The following MAP2 variants were observed in gnomAD, a reference collection of about 807,000 sequenced individuals.
MAP2 encodes the protein microtubule associated protein 2.
A neutral mutation model predicts 137.6 loss-of-function variants in MAP2; 14 were observed. That is an observed-to-expected ratio of 0.10 (90% CI 0.07 to 0.16). The LOEUF is 0.16. MAP2 is among the 10% of genes least tolerant of loss of function. The pLI is 1.00. For missense variants in MAP2, 2,088 were observed against 2,191.5 expected (o/e 0.95, Z 0.94); for synonymous variants, 786 against 782.3 (o/e 1.00, Z -0.08).
intron 3 of MAP2, among the ~76,000 whole-genome samples, chr2:209,618,542 A>G (rs1405024820): frequency 6.6e-6 from 1 of 152,146 alleles, no homozygotes; most frequent in Non-Finnish European, 1.5e-5. Flanking sequence ...TTCTCCTACC[A>G]CATGAACCTG....
At chr2:209,481,179 T>C (rs990937569) in intron 1 of MAP2, among the ~76,000 whole-genome samples, 3 of 152,124 alleles carry the variant, frequency 2.0e-5, no homozygotes, top group African/African-American at 7.2e-5. Flanking sequence ...TAAATGTCCA[T>C]GGAAGGGAAG....
intron 1 of MAP2, among the ~76,000 whole-genome samples, chr2:209,506,857 T>C (rs2061133251): frequency 6.6e-6 from 1 of 152,174 alleles, no homozygotes; most frequent in Admixed American, 6.5e-5. Flanking sequence ...TAAAGACCTG[T>C]GTCAGTCTGT....
chr2:209,429,551 C>T (rs1220617039), intron 1 of MAP2, among the ~76,000 whole-genome samples: 1 of 152,020 alleles, frequency 6.6e-6, no homozygotes, highest in Admixed American at 6.5e-5. Context: ...TAAAATATTC[C>T]TAATTACATT....
intron 3 of MAP2, among the ~76,000 whole-genome samples, chr2:209,602,443 G>A (rs1239068389): frequency 6.6e-6 from 1 of 152,064 alleles, no homozygotes; most frequent in Non-Finnish European, 1.5e-5. Context: ...AGGCAGGCTG[G>A]CAGTCACCTT....
chr2:209,720,475 A>G (rs2069962860), intron 13 of MAP2, among the ~76,000 whole-genome samples: 1 of 151,802 alleles, frequency 6.6e-6, no homozygotes, highest in South Asian at 2.1e-4. Flanking sequence ...CATCTCTACT[A>G]AAAAATACAA....
chr2:209,465,436 TTCTA>T (rs71043927), intron 1 of MAP2, among the ~76,000 whole-genome samples: 75,796 of 151,460 alleles, frequency 0.5, 20,628 homozygotes, highest in Middle Eastern at 0.61. Flanking sequence ...CTTTTCTAGT[TTCTA>T]TCATTGTAAG....
chr2:209,536,530 G>A lies in MAP2; in HGVS notation c.-172+28889G>A, dbSNP rs947514924. Among the ~76,000 whole-genome samples, 7 of 152,098 alleles carry A rather than the reference G, an allele frequency of 4.6e-5. No homozygotes were observed. In the East Asian group the frequency reaches 5.8e-4, roughly 13 times the overall value. On this transcript the variant is annotated intron_variant, in intron 2 of 15. Coordinates refer to ENST00000682079, the MANE Select transcript of MAP2 (RefSeq NM_001375505.1). ...CTTGGAACTGCCCTCCACACACCACGCAACTCTTTGTCAGTCAAGTGAGAG... is the reference window on the plus strand; with the variant it reads ...CTTGGAACTGCCCTCCACACACCACACAACTCTTTGTCAGTCAAGTGAGAG...
chr2:209,554,560 G>C (rs770298721), intron 2 of MAP2, among the ~76,000 whole-genome samples: 3 of 152,124 alleles, frequency 2.0e-5, no homozygotes, highest in Admixed American at 6.6e-5. Context: ...GGCAGAGGCT[G>C]ATGGATTGTT....
At chr2:209,583,618 A>G (rs1160178365) in intron 3 of MAP2, among the ~76,000 whole-genome samples, 1 of 152,094 alleles carries the variant, frequency 6.6e-6, no homozygotes, top group Non-Finnish European at 1.5e-5. Flanking sequence ...AAATCACTGA[A>G]GATACTAACA....
At chr2:209,507,102 A>G (rs1047957190) in intron 1 of MAP2, among the ~76,000 whole-genome samples, 1 of 152,126 alleles carries the variant, frequency 6.6e-6, no homozygotes, top group Admixed American at 6.6e-5. Flanking sequence ...GGCAGTAATC[A>G]CCTTCCAAAG....
chr2:209,446,356 A>G (rs1273993063), intron 1 of MAP2, among the ~76,000 whole-genome samples: 2 of 151,580 alleles, frequency 1.3e-5, no homozygotes, highest in Non-Finnish European at 3.0e-5. Flanking sequence ...TACATTGTAT[A>G]TTTCATCCTT....
intron 13 of MAP2, among the ~76,000 whole-genome samples, chr2:209,712,462 A>C (rs1253600810): frequency 6.6e-6 from 1 of 152,194 alleles, no homozygotes; most frequent in Non-Finnish European, 1.5e-5. Flanking sequence ...TACTTCAGCA[A>C]TGATGACTTT....
At chr2:209,497,088 C>T (rs1257406447) in intron 1 of MAP2, among the ~76,000 whole-genome samples, 2 of 152,062 alleles carry the variant, frequency 1.3e-5, no homozygotes, top group African/African-American at 4.8e-5. Context: ...GGCTTTAATC[C>T]CTAAATTCTG....
intron 2 of MAP2, among the ~76,000 whole-genome samples, chr2:209,532,741 T>C (rs529335052): frequency 7.9e-5 from 12 of 152,312 alleles, no homozygotes; most frequent in African/African-American, 2.9e-4. Context: ...TAACCTCCTG[T>C]TCCTCTGCAC....
chr2:209,679,315 C>T (rs1253634283), intron 6 of MAP2, among the ~76,000 whole-genome samples: 1 of 148,034 alleles, frequency 6.8e-6, no homozygotes, highest in South Asian at 2.2e-4. Context: ...GCCTTGCTGC[C>T]CCTACTCATA....
intron 2 of MAP2, among the ~76,000 whole-genome samples, chr2:209,572,093 TA>T (rs1228796751): frequency 1.3e-5 from 2 of 151,978 alleles, no homozygotes; most frequent in African/African-American, 4.8e-5. Flanking sequence ...AGTGATTTTT[TA>T]AAAAAATCAT....
At chr2:209,554,228 C>T (rs937131137) in intron 2 of MAP2, among the ~76,000 whole-genome samples, 3 of 152,132 alleles carry the variant, frequency 2.0e-5, no homozygotes, top group Non-Finnish European at 4.4e-5. Flanking sequence ...CTAAACTCTC[C>T]CCACCAGATC....
intron 2 of MAP2, among the ~76,000 whole-genome samples, chr2:209,577,471 C>G (rs546849263): frequency 3.3e-5 from 5 of 152,052 alleles, no homozygotes; most frequent in Non-Finnish European, 7.4e-5. Context: ...ATTGAAAGAA[C>G]AGTTTGGAAA....
At chr2:209,618,658 A>C (rs1356657712) in intron 3 of MAP2, among the ~76,000 whole-genome samples, 1 of 152,170 alleles carries the variant, frequency 6.6e-6, no homozygotes, top group African/African-American at 2.4e-5. Context: ...TGTGGAGAAA[A>C]GGAGACACTT....
Sources: gnomAD v4.1 joint callset for allele counts (sites outside exome capture counted in the v4.1 genomes callset) on GRCh38, gnomAD v4.1.1 for gene constraint, MANE v1.5 for transcripts, NCBI Gene and HGNC (gene_info 2026-07-23, HGNC 2026-07-21) for gene names.